GPC3: variants seen among roughly 807,000 people sequenced by gnomAD.
GPC3 encodes glypican-3.
GPC3 carries 3 observed loss-of-function variants against 34.4 expected under a neutral mutation model. That is an observed-to-expected ratio of 0.09 (90% confidence interval 0.04 to 0.23). GPC3 has a LOEUF of 0.23. GPC3 is among the 10% of genes least tolerant of loss of function. The pLI is 1.00. For synonymous variants in GPC3, 177 were observed against 174.0 expected (o/e 1.02, Z -0.13); for missense variants, 351 against 445.6 (o/e 0.79, Z 1.91).
intron 6 of GPC3, among the ~76,000 whole-genome samples, chrX:133,660,893 G>T (rs1273741228): frequency 8.9e-6 from 1 of 111,808 alleles, no homozygotes; most frequent in African/African-American, 3.3e-5. Context: ...TGGGGACCAG[G>T]CATGGTGGCT....
chrX:133,910,005 G>A (rs772800014), intron 2 of GPC3, among the ~76,000 whole-genome samples: 28 of 111,596 alleles, frequency 2.5e-4, no homozygotes, highest in Non-Finnish European at 4.3e-4. Context: ...ATGATTAATG[G>A]CCTTTCAAAG....
intron 2 of GPC3, among the ~76,000 whole-genome samples, chrX:133,887,572 A>G (rs961890315): frequency 3.6e-5 from 4 of 112,099 alleles, no homozygotes; most frequent in African/African-American, 1.3e-4. Context: ...TACTCTGGAT[A>G]TTAAAACCCA....
rs1055760116 is a variant in GPC3 at position 133,720,005 on chromosome X, G to A, written c.1033-19977C>T. Among the ~76,000 whole-genome samples the A allele has an allele frequency of 5.4e-5, 6 of 111,900 alleles. No homozygotes were observed. The South Asian group carries it at 2.3e-3, about 42-fold the overall frequency. On this transcript the variant is annotated intron_variant, in intron 3 of 7. Coordinates refer to ENST00000370818, the MANE Select transcript of GPC3 (RefSeq NM_004484.4). ...GAAATGCAAATTCAAACCACGATGA[G>A]ATACCACCTTACTCCTGCAAGAATG...
At chrX:133,670,088 T>C (rs1158037503) in intron 5 of GPC3, among the ~76,000 whole-genome samples, 1 of 111,981 alleles carries the variant, frequency 8.9e-6, no homozygotes, top group East Asian at 2.8e-4. Flanking sequence ...AAGAGAGCAC[T>C]TGTAGAAGAG....
chrX:133,814,547 T>G (rs7891500), intron 2 of GPC3, among the ~76,000 whole-genome samples: 6,703 of 110,359 alleles, frequency 0.061, 312 homozygotes, highest in African/African-American at 0.15. Flanking sequence ...GAGAGTTCAC[T>G]ATTTTTGAAT....
At chrX:133,903,387 A>G (rs778706609) in intron 2 of GPC3, among the ~76,000 whole-genome samples, 8 of 110,913 alleles carry the variant, frequency 7.2e-5, no homozygotes, top group Non-Finnish European at 1.3e-4. Context: ...GGAGTTCGAG[A>G]TCAGTCTGGC....
intron 5 of GPC3, among the ~76,000 whole-genome samples, chrX:133,664,770 A>G (rs1435633236): frequency 9.2e-6 from 1 of 108,230 alleles, no homozygotes; most frequent in African/African-American, 3.4e-5. Context: ...ACAAAAAAAC[A>G]GAACTGCTTA....
intron 6 of GPC3, among the ~76,000 whole-genome samples, chrX:133,655,480 A>C (rs763748595): frequency 4.4e-4 from 44 of 100,657 alleles, no homozygotes; most frequent in Non-Finnish European, 7.0e-4. Context: ...ACACACCCAC[A>C]CACACACACA....
At position 133,747,028 on chromosome X, in the gene GPC3, G is replaced by A. The variant is rs1014055840; in HGVS notation, c.1032+6454C>T. Among the ~76,000 whole-genome samples the A allele has an allele frequency of 2.7e-5, 3 of 111,738 alleles. No homozygotes were observed. The South Asian group carries it at 1.1e-3, about 43-fold the overall frequency. ...GGATCAACAGAGAATCTTCCCCAGA[G>A]CTTCCTGGCACACAAAAATAAATAC... On this transcript the variant is annotated intron_variant, in intron 3 of 7. Coordinates refer to ENST00000370818, the MANE Select transcript of GPC3 (RefSeq NM_004484.4).
At chrX:133,815,720 G>A (rs1171693437) in intron 2 of GPC3, among the ~76,000 whole-genome samples, 1 of 111,847 alleles carries the variant, frequency 8.9e-6, no homozygotes, top group Non-Finnish European at 1.9e-5. Flanking sequence ...GAGAGACCAG[G>A]CTGTGAACTG....
At chrX:133,921,208 T>C (rs2076246320) in intron 2 of GPC3, among the ~76,000 whole-genome samples, 1 of 112,039 alleles carries the variant, frequency 8.9e-6, no homozygotes, top group South Asian at 3.7e-4. Context: ...GATCTCAGAA[T>C]TCTTCCCAGA....
At chrX:133,959,739 T>C (rs1313255189) in intron 1 of GPC3, among the ~76,000 whole-genome samples, 2 of 112,417 alleles carry the variant, frequency 1.8e-5, no homozygotes, top group East Asian at 5.6e-4. Flanking sequence ...TAATTAAAAG[T>C]AAACCAAAGA....
At chrX:133,685,966 C>T (rs1171941626) in intron 5 of GPC3, among the ~76,000 whole-genome samples, 1 of 111,132 alleles carries the variant, frequency 9.0e-6, no homozygotes, top group Non-Finnish European at 1.9e-5. Flanking sequence ...GAGCTGACAT[C>T]TGGAGCTAGG....
chrX:133,779,946 G>A (rs2072028391), intron 2 of GPC3, among the ~76,000 whole-genome samples: 1 of 111,611 alleles, frequency 9.0e-6, no homozygotes, highest in South Asian at 3.8e-4. Context: ...CCAAGGTGGA[G>A]TAATGTGGCG....
intron 1 of GPC3, among the ~76,000 whole-genome samples, chrX:133,963,123 A>C (rs2076448742): frequency 8.9e-6 from 1 of 112,588 alleles, no homozygotes; most frequent in Admixed American, 9.4e-5. Flanking sequence ...TATCACTTGA[A>C]GATACATGAA....
At chrX:133,732,789 C>T (rs1203266196) in intron 3 of GPC3, among the ~76,000 whole-genome samples, 4 of 112,012 alleles carry the variant, frequency 3.6e-5, no homozygotes, top group Non-Finnish European at 7.5e-5. Context: ...GTGCAGCTTT[C>T]CCCTTGCTTG....
chrX:133,743,725 G>A (rs1460913920), intron 3 of GPC3, among the ~76,000 whole-genome samples: 1 of 112,327 alleles, frequency 8.9e-6, no homozygotes, highest in African/African-American at 3.2e-5. Flanking sequence ...TGATTCCCTA[G>A]CCACTCGACA....
chrX:133,759,277 T>A (rs1033767352), intron 2 of GPC3, among the ~76,000 whole-genome samples: 4 of 111,911 alleles, frequency 3.6e-5, no homozygotes, highest in Non-Finnish European at 7.5e-5. Flanking sequence ...AAAGTTTATA[T>A]GGAAACATAA....
At chrX:133,827,077 A>G (rs181346327) in intron 2 of GPC3, among the ~76,000 whole-genome samples, 1 of 112,015 alleles carries the variant, frequency 8.9e-6, no homozygotes, top group Non-Finnish European at 1.9e-5. Flanking sequence ...ATGTCACTGA[A>G]TTGTTCACTT....
Sources: gnomAD v4.1 joint callset for allele counts (sites outside exome capture counted in the v4.1 genomes callset) on GRCh38, gnomAD v4.1.1 for gene constraint, MANE v1.5 for transcripts, NCBI Gene and HGNC (gene_info 2026-07-23, HGNC 2026-07-21) for gene names.